The following CDK7 variants were observed in gnomAD, a reference collection of about 807,000 sequenced individuals.
CDK7 encodes the protein cyclin dependent kinase 7, also known as cyclin-dependent kinase 7.
CDK7 carries 25 observed loss-of-function variants against 49.1 expected under a neutral mutation model. That is an observed-to-expected ratio of 0.51 (90% CI 0.37 to 0.71). The LOEUF (loss-of-function observed/expected upper bound fraction) is 0.71. Ranked by LOEUF, CDK7 falls within the 30% of genes least tolerant of loss-of-function variation. The probability of loss-of-function intolerance (pLI) is 0.00; values close to 1 mark genes in which losing one functional copy is unlikely to be tolerated. For synonymous variants in CDK7, 107 were observed against 140.0 expected (o/e 0.76, Z 1.67); for missense variants, 316 against 411.7 (o/e 0.77, Z 2.01).
At chr5:69,235,361 A>G (rs2150175482) in intron 1 of CDK7, 33 bp from the exon 2 acceptor site, 6 of 1,499,478 alleles carry the variant, frequency 4.0e-6, no homozygotes, top group Non-Finnish European at 5.6e-6. Context: ...AAAAACTCCC[A>G]TAAACTTATG....
intron 2 of CDK7, among the ~76,000 whole-genome samples, chr5:69,242,719 A>G (rs1049068395): frequency 1.3e-5 from 2 of 152,116 alleles, no homozygotes; most frequent in Non-Finnish European, 2.9e-5. Context: ...CATTGCCAAC[A>G]CTCAGGAATG....
intron 2 of CDK7, among the ~76,000 whole-genome samples, chr5:69,246,284 A>G (rs2150192343): frequency 6.6e-6 from 1 of 152,022 alleles, no homozygotes; most frequent in African/African-American, 2.4e-5. Context: ...TTACAGGCGC[A>G]TGCCACCACG....
intron 2 of CDK7, among the ~76,000 whole-genome samples, chr5:69,247,565 C>T (rs1749840326): frequency 6.6e-6 from 1 of 151,396 alleles, no homozygotes; most frequent in Admixed American, 6.6e-5. Flanking sequence ...AAGCGTTTAG[C>T]CCATTTATAT....
Position 69,258,123 on chromosome 5 carries a change from A to T in CDK7, c.378A>T (p.Glu126Asp). The stretch of plus-strand genomic sequence containing the variant: ...TGTTGATGACTCTTCAAGGATTAGA[A>T]TATTTACATCAACATTGGATCCTAC... ...AYMLMTLQGL[E>D]YLHQHWILHR... Residue 126 changes from glutamate (E) to aspartate (D), a missense_variant, in exon 6 of 12, where the codon GAA (glutamate) becomes GAT (aspartate). By Grantham distance (45) the Glu-to-Asp change is conservative. Transcript: ENST00000256443. 5.7e-6 allele frequency: 9 copies of T among 1,580,322 alleles called. No individual in the cohort carries two copies. The highest frequency in any genetic ancestry group is 7.8e-6 in the Non-Finnish European group (9 of 1,155,870).
Position 69,269,299 on chromosome 5 carries a change from C to G in CDK7, c.714+6C>G. On this transcript the variant is annotated splice_donor_region_variant and intron_variant, in intron 9 of 11. Transcript: ENST00000256443. ...CAACTGAGGAACAGTGGCCGGTAAGCCTTTATGCATTTTCTTTGAAATGTA... is the reference window on the plus strand; with the variant it reads ...CAACTGAGGAACAGTGGCCGGTAAGGCTTTATGCATTTTCTTTGAAATGTA... 6.3e-7 allele frequency: 1 copy of G among 1,590,770 alleles called. No individual in the cohort carries two copies. Among genetic ancestry groups the G allele is most frequent in the Non-Finnish European group, 8.6e-7 (1 of 1,166,898 alleles).
chr5:69,265,908 T>TA (rs71612522), intron 8 of CDK7, among the ~76,000 whole-genome samples: 41,682 of 148,400 alleles, frequency 0.28, 6,338 homozygotes, highest in East Asian at 0.4. Flanking sequence ...AGACACTAGC[T>TA]AAAAAAAAAA....
chr5:69,250,725 CCT>C, intron 2 of CDK7: 1 of 456,600 alleles, frequency 2.2e-6, no homozygotes, highest in Non-Finnish European at 4.4e-6. Flanking sequence ...TTTACTCTTC[CCT>C]CTCATTTTCT....
At chr5:69,235,652 TGAA>T (rs1748920143) in intron 2 of CDK7, among the ~76,000 whole-genome samples, 199 bp downstream of exon 2, 3 of 152,238 alleles carry the variant, frequency 2.0e-5, no homozygotes, top group African/African-American at 7.2e-5. Flanking sequence ...TCTATTGAAA[TGAA>T]GAAGAAGCTG....
chr5:69,243,913 A>C (rs1486485139), intron 2 of CDK7, among the ~76,000 whole-genome samples: 2 of 136,166 alleles, frequency 1.5e-5, no homozygotes, highest in Non-Finnish European at 3.1e-5. Flanking sequence ...GCTCACTGCA[A>C]CCTGTGCCTC....
intron 8 of CDK7, among the ~76,000 whole-genome samples, chr5:69,263,681 T>G (rs1367045769): frequency 6.6e-6 from 1 of 152,214 alleles, no homozygotes; most frequent in African/African-American, 2.4e-5. Flanking sequence ...GCATGATAAC[T>G]GCTACTTACC....
intron 4 of CDK7, 134 bp downstream of exon 4, chr5:69,254,803 AT>A: frequency 3.3e-6 from 2 of 597,584 alleles, no homozygotes; most frequent in Non-Finnish European, 6.1e-6. Flanking sequence ...TACATTTTCT[AT>A]CCCAGTTGTT....
intron 3 of CDK7, 30 bp from the exon 4 acceptor site, chr5:69,254,562 TTTCAGAATTA>T (rs777264586): frequency 1.1e-6 from 1 of 946,506 alleles, no homozygotes; most frequent in Non-Finnish European, 1.7e-6. Flanking sequence ...AGGTTTGAGA[TTTCAGAATTA>T]TTCACTTTTT....
chr5:69,235,137 T>G (rs1748865764), intron 1 of CDK7, 96 bp downstream of exon 1: 2 of 1,216,018 alleles, frequency 1.6e-6, no homozygotes, highest in Non-Finnish European at 2.4e-6. Context: ...GAGGTCTGGC[T>G]TGGCTGCTCG....
Position 69,252,416 on chromosome 5 carries a change from A to G in CDK7, c.127-2A>G. Reference sequence around the variant, plus strand: ...ATTTGGGTTTTTTTCCGTTTCTACCAGATCAAACTTGGACATAGATCAGAA... The same window carrying G: ...ATTTGGGTTTTTTTCCGTTTCTACCGGATCAAACTTGGACATAGATCAGAA... On this transcript the variant is annotated splice_acceptor_variant, in intron 2 of 11. Transcript: ENST00000256443. LOFTEE classifies it high-confidence loss of function. The G allele has an allele frequency of 6.4e-7, 1 of 1,553,908 alleles. No individual in the cohort carries two copies. The highest frequency in any genetic ancestry group is 8.7e-7 in the Non-Finnish European group (1 of 1,143,288).
chr5:69,275,546 GA>G (rs1703102785), intron 10 of CDK7, among the ~76,000 whole-genome samples: 1 of 152,154 alleles, frequency 6.6e-6, no homozygotes, highest in African/African-American at 2.4e-5. Context: ...TCCGAAATCT[GA>G]AATGCTCCAA....
chr5:69,234,949 G>T lies in CDK7; in HGVS notation c.-27G>T. 1.9e-6 allele frequency: 3 copies of T among 1,578,064 alleles called. No homozygotes were observed. Among genetic ancestry groups the T allele is most frequent in the Non-Finnish European group, 2.6e-6 (3 of 1,161,606 alleles). The stretch of plus-strand genomic sequence containing the variant: ...GTTGTCCTGGGAGCTCGCCCTTTTC[G>T]GCTGGAGTCGGGCTTTACGGCGCCG... On this transcript the variant is annotated 5_prime_UTR_variant, in exon 1 of 12. Coordinates refer to ENST00000256443, the MANE Select transcript of CDK7 (RefSeq NM_001799.4).
intron 2 of CDK7, among the ~76,000 whole-genome samples, chr5:69,236,274 C>T (rs1002772560): frequency 4.0e-5 from 6 of 150,986 alleles, no homozygotes; most frequent in Non-Finnish European, 7.4e-5. Flanking sequence ...GTCATAATTA[C>T]ATAACTCACG....
chr5:69,266,361 G>A (rs1416773852), intron 8 of CDK7, among the ~76,000 whole-genome samples: 1 of 152,102 alleles, frequency 6.6e-6, no homozygotes, highest in Non-Finnish European at 1.5e-5. Flanking sequence ...GGCCAAGGCA[G>A]GTGGATCACC....
intron 3 of CDK7, 42 bp downstream of exon 3, chr5:69,252,493 CCTTTT>C: frequency 1.9e-5 from 8 of 429,946 alleles, no homozygotes; most frequent in Non-Finnish European, 2.9e-5. Flanking sequence ...AAAGTTTTCT[CCTTTT>C]TTTTTTTTTT....
Sources: allele counts gnomAD v4.1 joint callset (sites outside exome capture counted in the v4.1 genomes callset), GRCh38; gene constraint gnomAD v4.1.1; transcripts MANE v1.5; gene names NCBI Gene and HGNC (gene_info 2026-07-23, HGNC 2026-07-21).